The following MYOZ2 variants were observed in gnomAD, a reference collection of about 807,000 sequenced individuals.
The protein encoded by MYOZ2 is myozenin-2.
MYOZ2 carries 19 observed loss-of-function variants against 25.4 expected under a neutral mutation model. The ratio of observed to expected loss-of-function variants is 0.75; its 90% CI spans 0.52 to 1.10. MYOZ2 has a LOEUF of 1.10. Ranked by LOEUF, MYOZ2 falls within the 50% of genes least tolerant of loss-of-function variation. MYOZ2 has a pLI of 0.00. For synonymous variants in MYOZ2, 92 were observed against 106.9 expected (o/e 0.86, Z 0.86); for missense variants, 270 against 317.9 (o/e 0.85, Z 1.15).
chr4:119,142,443 A>G (rs1741177557), intron 2 of MYOZ2, among the ~76,000 whole-genome samples: 1 of 152,216 alleles, frequency 6.6e-6, no homozygotes, highest in Non-Finnish European at 1.5e-5. Flanking sequence ...AAACTTGCTC[A>G]TCCTTCCATG....
At chr4:119,167,189 T>C (rs889922699) in intron 5 of MYOZ2, among the ~76,000 whole-genome samples, 1 of 152,048 alleles carries the variant, frequency 6.6e-6, no homozygotes, top group African/African-American at 2.4e-5. Flanking sequence ...AGGAAGAAAA[T>C]GATAAGTGCT....
intron 5 of MYOZ2, among the ~76,000 whole-genome samples, chr4:119,173,983 G>C (rs1288378889): frequency 6.6e-6 from 1 of 152,220 alleles, no homozygotes; most frequent in Non-Finnish European, 1.5e-5. Context: ...GCCCACCGGC[G>C]CTGCACTTGA....
chr4:119,159,087 ATTATGTAC>A (rs1741649530), intron 4 of MYOZ2, among the ~76,000 whole-genome samples: 1 of 152,142 alleles, frequency 6.6e-6, no homozygotes, highest in African/African-American at 2.4e-5. Flanking sequence ...ATATACACCT[ATTATGTAC>A]CCACAAAAGT....
intron 5 of MYOZ2, among the ~76,000 whole-genome samples, chr4:119,170,395 G>A (rs1423660404): frequency 6.6e-6 from 1 of 152,042 alleles, no homozygotes. Flanking sequence ...ACCACTAGGG[G>A]CTAGAGGGTA....
chr4:119,150,849 C>T (rs373437303), intron 2 of MYOZ2, 23 bp from the exon 3 acceptor site: 159 of 1,608,836 alleles, frequency 9.9e-5, no homozygotes, highest in Non-Finnish European at 1.3e-4. Context: ...GGGATTTTTA[C>T]TCATATGAAT....
Position 119,186,333 on chromosome 4 carries a change from A to C in MYOZ2, c.*133A>C, listed in dbSNP as rs547840342. 1.4e-6 allele frequency: 1 copy of C among 689,866 alleles called. No individual in the cohort carries two copies. The highest frequency in any genetic ancestry group is 1.8e-5 in the African/African-American group (1 of 55,580). The allele number at this position is 689,866 out of a possible 1,614,324, so 42.7% of individuals were successfully genotyped here. A position where few individuals can be genotyped will look rare whatever the true frequency, so the allele number is the denominator to read the frequency against. On this transcript the variant is annotated 3_prime_UTR_variant, in exon 6 of 6. Coordinates refer to ENST00000307128, the MANE Select transcript of MYOZ2 (RefSeq NM_016599.5). ...AATTTAGTGATTTTCCTTTTCTGACATTCAATTTCAATCTCAGATCAAATA... is the reference window on the plus strand; with the variant it reads ...AATTTAGTGATTTTCCTTTTCTGACCTTCAATTTCAATCTCAGATCAAATA...
At chr4:119,177,619 T>G (rs967182228) in intron 5 of MYOZ2, among the ~76,000 whole-genome samples, 2 of 152,180 alleles carry the variant, frequency 1.3e-5, no homozygotes, top group South Asian at 4.1e-4. Flanking sequence ...GGAAGACACC[T>G]ACCTTACCTT....
chr4:119,150,953 G>A lies in MYOZ2; in HGVS notation c.158G>A (p.Arg53His), dbSNP rs751671131. Residue 53 changes from arginine to histidine, a missense_variant, in exon 3 of 6, where the codon CGT (arginine) becomes CAT (histidine). Coordinates refer to ENST00000307128, the MANE Select transcript of MYOZ2 (RefSeq NM_016599.5). The part of the protein sequence containing the change: ...MLEELSHLSN[R>H]GARLFKMRQR... Reference sequence around the variant, plus strand: ...GAAGAATTATCCCATCTCAGTAACCGTGGTGCCAGGCTATTTAAGATGCGT... The same window carrying A: ...GAAGAATTATCCCATCTCAGTAACCATGGTGCCAGGCTATTTAAGATGCGT... 1.5e-5 allele frequency: 24 copies of A among 1,613,406 alleles called. No homozygotes were observed. Among genetic ancestry groups the A allele is most frequent in the East Asian group, 1.3e-4 (6 of 44,866 alleles).
chr4:119,161,367 A>G (rs796713768), intron 4 of MYOZ2, among the ~76,000 whole-genome samples: 62 of 152,298 alleles, frequency 4.1e-4, no homozygotes, highest in African/African-American at 1.3e-3. Context: ...AACTATAATT[A>G]TTCCAATTTA....
chr4:119,156,301 A>G (rs1741573557), intron 3 of MYOZ2, among the ~76,000 whole-genome samples: 1 of 151,504 alleles, frequency 6.6e-6, no homozygotes, highest in South Asian at 2.1e-4. Context: ...TAATGGGGGA[A>G]TCTTGATCTA....
intron 5 of MYOZ2, among the ~76,000 whole-genome samples, chr4:119,167,253 C>G (rs901547941): frequency 6.6e-6 from 1 of 152,146 alleles, no homozygotes; most frequent in Non-Finnish European, 1.5e-5. Flanking sequence ...GTGCTGATAT[C>G]AAGAAAGTTT....
chr4:119,144,269 T>C (rs1165989180), intron 2 of MYOZ2, among the ~76,000 whole-genome samples: 1 of 152,190 alleles, frequency 6.6e-6, no homozygotes, highest in Non-Finnish European at 1.5e-5. Flanking sequence ...TCTCTAGAGA[T>C]TCACCCGGGT....
rs373106985 is a variant in MYOZ2, at chr4:119,145,240, G to A, written c.77-5632G>A. 2.0e-3 allele frequency among the ~76,000 whole-genome samples: 304 copies of A among 151,546 alleles called. 1 individual carries two copies. Among genetic ancestry groups the A allele is most frequent in the African/African-American group, 7.0e-3 (287 of 41,188 alleles). ...TGATATAAAATTCTTTTCATATATTGCTTAATTATATTTGCTAATAATATG... is the reference window on the plus strand; with the variant it reads ...TGATATAAAATTCTTTTCATATATTACTTAATTATATTTGCTAATAATATG... On this transcript the variant is annotated intron_variant, in intron 2 of 5. Transcript: ENST00000307128.
intron 2 of MYOZ2, among the ~76,000 whole-genome samples, chr4:119,140,764 T>C (rs1472277273): frequency 1.3e-5 from 2 of 152,250 alleles, no homozygotes; most frequent in Non-Finnish European, 2.9e-5. Flanking sequence ...TTATTCTGTT[T>C]GTATAATTCA....
At chr4:119,185,861 A>G (rs1286384046) in intron 5 of MYOZ2, 105 bp from the exon 6 acceptor site, 1 of 913,842 alleles carries the variant, frequency 1.1e-6, no homozygotes. Context: ...AAAATAATGA[A>G]TTAAATACAC....
chr4:119,169,892 C>G (rs919891118), intron 5 of MYOZ2, among the ~76,000 whole-genome samples: 1 of 152,126 alleles, frequency 6.6e-6, no homozygotes, highest in Non-Finnish European at 1.5e-5. Flanking sequence ...ATCAAACTGC[C>G]CGCTCTGACA....
chr4:119,152,646 T>C (rs527244286), intron 3 of MYOZ2, among the ~76,000 whole-genome samples: 4 of 152,098 alleles, frequency 2.6e-5, no homozygotes, highest in Non-Finnish European at 4.4e-5. Flanking sequence ...TAAGAACATG[T>C]CTTGACAATT....
At chr4:119,174,764 C>G (rs1053426392) in intron 5 of MYOZ2, among the ~76,000 whole-genome samples, 2 of 152,154 alleles carry the variant, frequency 1.3e-5, no homozygotes, top group Admixed American at 6.5e-5. Context: ...CCCTTCCACA[C>G]AGTGGAAGCT....
intron 5 of MYOZ2, among the ~76,000 whole-genome samples, chr4:119,180,737 G>A (rs945308194): frequency 1.3e-5 from 2 of 152,004 alleles, no homozygotes; most frequent in African/African-American, 4.8e-5. Context: ...TATTTTTTTA[G>A]TAGAGACGGG....
Sources: allele counts gnomAD v4.1 joint callset (sites outside exome capture counted in the v4.1 genomes callset), GRCh38; gene constraint gnomAD v4.1.1; transcripts MANE v1.5; gene names NCBI Gene and HGNC (gene_info 2026-07-23, HGNC 2026-07-21).